The following TBC1D5 variants were observed in gnomAD, a reference collection of about 807,000 sequenced individuals.
TBC1D5 encodes the protein TBC1 domain family, member 5.
A neutral mutation model predicts 100.3 loss-of-function variants in TBC1D5; 75 were observed. That is an observed-to-expected ratio of 0.75 (90% CI 0.62 to 0.91). The LOEUF (loss-of-function observed/expected upper bound fraction) is 0.91, where lower values mean the gene tolerates loss of function less well. Among genes scored for constraint, TBC1D5 ranks in the 40% least tolerant of loss-of-function variants. The probability of loss-of-function intolerance (pLI) is 0.00; values close to 1 mark genes in which losing one functional copy is unlikely to be tolerated. For synonymous variants in TBC1D5, 323 were observed against 325.6 expected (o/e 0.99, Z 0.09); for missense variants, 910 against 942.4 (o/e 0.97, Z 0.45).
chr3:17,210,176 A>AT (rs981636358), intron 18 of TBC1D5, among the ~76,000 whole-genome samples: 1 of 150,562 alleles, frequency 6.6e-6, no homozygotes, highest in African/African-American at 2.4e-5. Flanking sequence ...GTTAGAAGTA[A>AT]TTTTTTTTCA....
At chr3:17,173,380 C>T (rs946367074) in intron 19 of TBC1D5, among the ~76,000 whole-genome samples, 1 of 152,098 alleles carries the variant, frequency 6.6e-6, no homozygotes, top group African/African-American at 2.4e-5. Context: ...TGGAACTGAT[C>T]GAAGTGAGGT....
intron 15 of TBC1D5, among the ~76,000 whole-genome samples, chr3:17,282,409 C>T (rs1465972753): frequency 1.3e-4 from 20 of 152,158 alleles, no homozygotes; most frequent in Admixed American, 1.3e-3. Context: ...ATTTTCCTTA[C>T]TTGTAAGACA....
intron 4 of TBC1D5, among the ~76,000 whole-genome samples, chr3:17,426,262 A>T (rs908538699): frequency 6.6e-6 from 1 of 152,152 alleles, no homozygotes; most frequent in Non-Finnish European, 1.5e-5. Context: ...TTTTAATGTG[A>T]TTCTGCAACA....
At chr3:17,588,836 T>C (rs555062744) in intron 2 of TBC1D5, among the ~76,000 whole-genome samples, 1 of 152,274 alleles carries the variant, frequency 6.6e-6, no homozygotes, top group South Asian at 2.1e-4. Context: ...ATATAAAAAG[T>C]CAACATAAAA....
intron 17 of TBC1D5, among the ~76,000 whole-genome samples, chr3:17,228,257 T>C (rs1384134997): frequency 6.6e-6 from 1 of 152,152 alleles, no homozygotes; most frequent in African/African-American, 2.4e-5. Flanking sequence ...ACTGGGTTGA[T>C]ACCTAGTTGT....
At chr3:17,719,606 A>T (rs1246035512) in intron 1 of TBC1D5, among the ~76,000 whole-genome samples, 1 of 152,208 alleles carries the variant, frequency 6.6e-6, no homozygotes, top group Non-Finnish European at 1.5e-5. Flanking sequence ...AAACAATAGT[A>T]GTAACTGCTA....
At chr3:17,228,531 T>C (rs2075128027) in intron 17 of TBC1D5, among the ~76,000 whole-genome samples, 1 of 152,146 alleles carries the variant, frequency 6.6e-6, no homozygotes, top group African/African-American at 2.4e-5. Context: ...CTGGCTGCAC[T>C]TCTCAATGAT....
chr3:17,350,809 T>A (rs1284808516), intron 13 of TBC1D5, among the ~76,000 whole-genome samples: 2 of 152,186 alleles, frequency 1.3e-5, no homozygotes, highest in African/African-American at 4.8e-5. Context: ...ATTTTAATTT[T>A]GCTTGGAATA....
intron 13 of TBC1D5, among the ~76,000 whole-genome samples, chr3:17,330,562 C>T (rs2086740326): frequency 6.6e-6 from 1 of 152,150 alleles, no homozygotes; most frequent in Non-Finnish European, 1.5e-5. Flanking sequence ...CAGCAGTCTT[C>T]AGACAGAACT....
intron 1 of TBC1D5, among the ~76,000 whole-genome samples, chr3:17,728,307 C>T (rs931967272): frequency 1.3e-5 from 2 of 151,922 alleles, no homozygotes; most frequent in Admixed American, 6.6e-5. Context: ...AATAAAAAGG[C>T]GTAAATATTA....
intron 14 of TBC1D5, among the ~76,000 whole-genome samples, chr3:17,294,124 T>C (rs2082019398): frequency 6.6e-6 from 1 of 152,242 alleles, no homozygotes; most frequent in Admixed American, 6.5e-5. Context: ...ACTACTCTAG[T>C]GAAGCAGTTT....
At chr3:17,696,153 A>T (rs565251673) in intron 1 of TBC1D5, among the ~76,000 whole-genome samples, 64 of 152,314 alleles carry the variant, frequency 4.2e-4, no homozygotes, top group African/African-American at 1.4e-3. Flanking sequence ...AGCAAGAAAG[A>T]TCTAAAATCG....
At chr3:17,200,585 C>T (rs533645941) in intron 18 of TBC1D5, among the ~76,000 whole-genome samples, 14 of 152,302 alleles carry the variant, frequency 9.2e-5, no homozygotes, top group African/African-American at 2.6e-4. Context: ...AACTGTTTTC[C>T]GTGAAACGGT....
Position 17,475,188 on chromosome 3 carries a change from G to A in TBC1D5, c.97+33286C>T, listed in dbSNP as rs147463127. 3.6e-4 allele frequency among the ~76,000 whole-genome samples: 53 copies of A among 147,530 alleles called. No homozygotes were observed. The East Asian group carries it at 5.2e-3, about 15-fold the overall frequency. ...GGTTCTACCTTGCCCCGCCCCACCC[G>A]TTTATATATTCCCAAATCTAACACC... On this transcript the variant is annotated intron_variant, in intron 3 of 21. Coordinates refer to ENST00000253692, the Ensembl canonical transcript of TBC1D5.
chr3:17,175,087 A>G (rs1258932934), intron 19 of TBC1D5, among the ~76,000 whole-genome samples: 4 of 152,272 alleles, frequency 2.6e-5, no homozygotes, highest in African/African-American at 9.6e-5. Flanking sequence ...GCAGGTGAAG[A>G]GAAATTAACA....
At chr3:17,179,333 C>G (rs2068177960) in intron 19 of TBC1D5, among the ~76,000 whole-genome samples, 1 of 152,142 alleles carries the variant, frequency 6.6e-6, no homozygotes, top group Non-Finnish European at 1.5e-5. Flanking sequence ...TGAACATTTC[C>G]AAAGATATTC....
At chr3:17,610,625 A>C (rs1407387812) in intron 2 of TBC1D5, among the ~76,000 whole-genome samples, 1 of 152,232 alleles carries the variant, frequency 6.6e-6, no homozygotes, top group Non-Finnish European at 1.5e-5. Context: ...TTCTAATCTT[A>C]CTTGTATGTC....
exon 17 of TBC1D5, chr3:17,238,210 T>G: frequency 6.2e-7 from 1 of 1,614,070 alleles, no homozygotes; most frequent in African/African-American, 1.3e-5. Flanking sequence ...CAGCCTCTGC[T>G]GCTGCTGTTG....
In TBC1D5 at chr3:17,376,497, T is replaced by TG. The variant is rs1373894367; in HGVS notation, c.701+27dup. On this transcript the variant is annotated intron_variant, in intron 10 of 21. Coordinates refer to ENST00000253692, the Ensembl canonical transcript of TBC1D5. Reference sequence around the variant, plus strand: ...GTTACCGTGGGGGCTAAAAAACAAATGGAGCTCATATTAAAAAAAAAACTT... The same window carrying TG: ...GTTACCGTGGGGGCTAAAAAACAAATGGGAGCTCATATTAAAAAAAAAACTT... 9 of 1,573,292 alleles carry TG rather than the reference T, an allele frequency of 5.7e-6. No individual in the cohort carries two copies. In the African/African-American group the frequency reaches 1.2e-4, roughly 22 times the overall value.
Sources: allele counts gnomAD v4.1 joint callset (sites outside exome capture counted in the v4.1 genomes callset), GRCh38; gene constraint gnomAD v4.1.1; transcripts MANE v1.5; gene names NCBI Gene and HGNC (gene_info 2026-07-23, HGNC 2026-07-21).